Variants in ABCC2 observed in about 807,000 individuals in gnomAD.
ABCC2 encodes ATP binding cassette subfamily C member 2.
Under a neutral mutation model 173.4 loss-of-function variants are expected in ABCC2, and 157 were observed. The observed-to-expected ratio is 0.91, with a 90% confidence interval of 0.80 to 1.03. The LOEUF is 1.03. Ranked by LOEUF, ABCC2 falls within the 50% of genes least tolerant of loss-of-function variation. The pLI, the probability that ABCC2 is intolerant of heterozygous loss-of-function variation, is 0.00. For synonymous variants in ABCC2, 657 were observed against 693.5 expected (o/e 0.95, Z 0.83); for missense variants, 1,822 against 1,852.3 (o/e 0.98, Z 0.30).
At chr10:99,806,077 C>CTCTGTGTGTGTG (rs10644836) in intron 11 of ABCC2, among the ~76,000 whole-genome samples, 2,458 of 148,092 alleles carry the variant, frequency 0.017, 47 homozygotes, top group African/African-American at 0.041. Context: ...CTCTCTCTGT[C>CTCTGTGTGTGTG]TGTGTGTGTG....
chr10:99,850,434 G>A (rs2039072044), intron 30 of ABCC2, among the ~76,000 whole-genome samples, 168 bp from the exon 31 acceptor site: 2 of 152,190 alleles, frequency 1.3e-5, no homozygotes, highest in South Asian at 2.1e-4. Context: ...TTTGAAAAAC[G>A]ATGCTCACAG....
chr10:99,790,181 C>T (rs2037789239), intron 2 of ABCC2, among the ~76,000 whole-genome samples: 1 of 152,310 alleles, frequency 6.6e-6, no homozygotes, highest in Middle Eastern at 3.4e-3. Flanking sequence ...GCAAACTGCC[C>T]TCAAAGAGGC....
Position 99,797,340 on chromosome 10 carries a change from C to A in ABCC2, c.867+9C>A, listed in dbSNP as rs1275023568. On this transcript the variant is annotated intron_variant, in intron 7 of 31. Transcript: ENST00000647814. Reference sequence around the variant, plus strand: ...AAGATGCCCTTGTCCTGGTAACTTTCCCTTGAGTGTCTGTGTGAGCGCGCT... The same window carrying A: ...AAGATGCCCTTGTCCTGGTAACTTTACCTTGAGTGTCTGTGTGAGCGCGCT... The A allele has an allele frequency of 1.2e-6, 2 of 1,607,836 alleles. No homozygotes were observed. The highest frequency in any genetic ancestry group is 2.2e-5 in the South Asian group (2 of 90,032).
chr10:99,807,240 C>G, intron 11 of ABCC2, 144 bp from the exon 12 acceptor site: 1 of 1,102,198 alleles, frequency 9.1e-7, no homozygotes, highest in Non-Finnish European at 1.4e-6. Context: ...CAAATACAAG[C>G]TACCTTTCTG....
At chr10:99,808,336 A>G in intron 13 of ABCC2, 107 bp downstream of exon 13, 1 of 1,449,412 alleles carries the variant, frequency 6.9e-7, no homozygotes, top group Non-Finnish European at 9.6e-7. Context: ...GTAAACTTTC[A>G]AGAGAGAGAT....
At chr10:99,842,430 C>T (rs1278149519) in intron 26 of ABCC2, among the ~76,000 whole-genome samples, 1 of 152,134 alleles carries the variant, frequency 6.6e-6, no homozygotes, top group Non-Finnish European at 1.5e-5. Context: ...TAGCAGTAAT[C>T]AGAAAGGCTT....
rs1181321563 is a variant in ABCC2, at chr10:99,830,366, A to C, written c.2680A>C (p.Ile894Leu). ...TGGGCTGATATCCAGTGTGGAAGAG[A>C]TCCCCGAAGATGCAGCCTCCATAAC... ...DYGLISSVEE[I>L]PEDAASITMR... Residue 894 changes from isoleucine to leucine, a missense_variant, in exon 20 of 32, where the codon ATC (isoleucine) becomes CTC (leucine). Physicochemically the swap from Ile to Leu is conservative, Grantham distance 5 (BLOSUM62 2). Coordinates refer to ENST00000647814, the MANE Select transcript of ABCC2 (RefSeq NM_000392.5). The C allele has an allele frequency of 1.2e-6, 2 of 1,614,042 alleles. No homozygotes were observed. The highest frequency in any genetic ancestry group is 1.7e-6 in the Non-Finnish European group (2 of 1,180,026).
chr10:99,788,856 C>T (rs2037764142), intron 2 of ABCC2: 1 of 152,880 alleles, frequency 6.5e-6, no homozygotes, highest in Non-Finnish European at 1.5e-5. Flanking sequence ...CAGATGTGTT[C>T]CCCAGGCATT....
At chr10:99,818,690 A>T (rs1374996370) in intron 17 of ABCC2, 100 bp from the exon 18 acceptor site, 3 of 1,301,228 alleles carry the variant, frequency 2.3e-6, no homozygotes, top group Non-Finnish European at 3.3e-6. Flanking sequence ...ACCCCTTGAC[A>T]CCTTATTGAG....
chr10:99,845,628 G>A lies in ABCC2; in HGVS notation c.3992G>A (p.Gly1331Asp), dbSNP rs1295528038. 6.2e-7 allele frequency: 1 copy of A among 1,614,078 alleles called. No homozygotes were observed. The highest frequency in any genetic ancestry group is 8.5e-7 in the Non-Finnish European group (1 of 1,179,992). Residue 1331 changes from glycine to aspartate, a missense_variant, in exon 29 of 32, where the codon GGT (glycine) becomes GAT (aspartate). Coordinates refer to ENST00000647814, the MANE Select transcript of ABCC2 (RefSeq NM_000392.5). The stretch of plus-strand genomic sequence containing the variant: ...GTAAGGGAACTATATTCGCAGATTG[G>A]TGTGGTGGGCAGGACAGGAGCTGGA... Reference protein sequence around the residue: ...TCDIGSMEKIGVVGRTGAGKS... With the variant: ...TCDIGSMEKIDVVGRTGAGKS...
At chr10:99,783,567 A>G (rs987749090) in intron 1 of ABCC2, among the ~76,000 whole-genome samples, 2 of 152,242 alleles carry the variant, frequency 1.3e-5, no homozygotes, top group African/African-American at 2.4e-5. Flanking sequence ...GTGAGAAAGT[A>G]TCATCTGCAA....
intron 29 of ABCC2, among the ~76,000 whole-genome samples, chr10:99,846,166 G>C (rs1251721888): frequency 5.9e-5 from 9 of 152,234 alleles, no homozygotes; most frequent in Non-Finnish European, 1.5e-5. Flanking sequence ...ATAGAGGAGG[G>C]AATTTGCTGC....
chr10:99,836,150 A>C lies in ABCC2; in HGVS notation c.3474A>C (p.Pro1158=), dbSNP rs1197589411. The C allele has an allele frequency of 6.2e-7, 1 of 1,614,192 alleles. No individual in the cohort carries two copies. Among genetic ancestry groups the C allele is most frequent in the South Asian group, 1.1e-5 (1 of 91,080 alleles). ...LRRLDSVTRS[P]IYSHFSETVS... The stretch of plus-strand genomic sequence containing the variant: ...GTCTGGACTCTGTCACCAGGTCCCC[A>C]ATCTACTCTCACTTCAGCGAGACCG... Residue 1158 remains proline, a synonymous_variant, in exon 25 of 32, where the codon CCA becomes CCC. Coordinates refer to ENST00000647814, the MANE Select transcript of ABCC2 (RefSeq NM_000392.5).
chr10:99,835,173 C>G (rs765280530), intron 24 of ABCC2, among the ~76,000 whole-genome samples: 16 of 152,180 alleles, frequency 1.1e-4, no homozygotes, highest in South Asian at 2.1e-4. Flanking sequence ...GTCCCACCAG[C>G]TGCTTTTGTG....
intron 14 of ABCC2, among the ~76,000 whole-genome samples, chr10:99,811,207 T>C (rs2038206548): frequency 6.6e-6 from 1 of 151,732 alleles, no homozygotes; most frequent in Non-Finnish European, 1.5e-5. Flanking sequence ...GGTGCATGCC[T>C]GTAGTCCCAG....
Position 99,851,701 on chromosome 10 carries a change from ACAG to A in ABCC2, c.*71_*73del. On this transcript the variant is annotated 3_prime_UTR_variant, in exon 32 of 32. Coordinates refer to ENST00000647814, the MANE Select transcript of ABCC2 (RefSeq NM_000392.5). ...TATTTAATTTTATTTTTTATAAAAT[ACAG>A]AATACATACAAAAGTGTGTATAAAA... The A allele has an allele frequency of 7.2e-7, 1 of 1,390,348 alleles. No homozygotes were observed. The allele number at this position is 1,390,348 out of a possible 1,614,324, so 86.1% of individuals were successfully genotyped here.
chr10:99,850,579 A>C (rs764936251), intron 30 of ABCC2, 23 bp from the exon 31 acceptor site: 3 of 1,613,024 alleles, frequency 1.9e-6, no homozygotes, highest in Admixed American at 1.7e-5. Context: ...GAGCTAACAC[A>C]TGGTTGCTTC....
chr10:99,832,253 GC>G (rs2038754012), intron 23 of ABCC2, 122 bp downstream of exon 23: 1 of 1,301,144 alleles, frequency 7.7e-7, no homozygotes, highest in Admixed American at 1.9e-5. Flanking sequence ...CACTCAACAT[GC>G]AAGTGTTTCT....
At chr10:99,846,158 A>G (rs975580705) in intron 29 of ABCC2, among the ~76,000 whole-genome samples, 1 of 152,230 alleles carries the variant, frequency 6.6e-6, no homozygotes, top group Non-Finnish European at 1.5e-5. Context: ...GTTAAAAGAT[A>G]GAGGAGGGAA....
Sources: allele counts gnomAD v4.1 joint callset (sites outside exome capture counted in the v4.1 genomes callset), GRCh38; gene constraint gnomAD v4.1.1; transcripts MANE v1.5; gene names NCBI Gene and HGNC (gene_info 2026-07-23, HGNC 2026-07-21).